Variants in SRGN observed in about 807,000 individuals in gnomAD.
The protein encoded by SRGN is hematopoetic proteoglycan core peptide.
SRGN carries 2 observed loss-of-function variants against 9.5 expected under a neutral mutation model. That is an observed-to-expected ratio of 0.21 (90% confidence interval 0.09 to 0.66). SRGN has a LOEUF of 0.66. Ranked by LOEUF, SRGN falls within the 30% of genes least tolerant of loss-of-function variation. SRGN has a pLI of 0.83. For missense variants in SRGN, 170 were observed against 192.4 expected, an observed-to-expected ratio of 0.88 and a Z score of 0.69; for synonymous variants, 59 against 72.3, an observed-to-expected ratio of 0.82 and a Z score of 0.93.
chr10:69,090,471 G>A (rs982155423), intron 1 of SRGN, among the ~76,000 whole-genome samples: 1 of 152,150 alleles, frequency 6.6e-6, no homozygotes, highest in African/African-American at 2.4e-5. Flanking sequence ...CAAGATCAAG[G>A]TGCTGGCAGG....
chr10:69,094,446 G>A (rs1174954262), intron 1 of SRGN, among the ~76,000 whole-genome samples: 1 of 151,776 alleles, frequency 6.6e-6, no homozygotes, highest in Non-Finnish European at 1.5e-5. Flanking sequence ...AACAAAATGA[G>A]AAAAAAAATC....
intron 1 of SRGN, among the ~76,000 whole-genome samples, chr10:69,094,494 C>T (rs1451652648): frequency 1.3e-5 from 2 of 151,986 alleles, no homozygotes; most frequent in African/African-American, 4.8e-5. Flanking sequence ...TGTGTATTTC[C>T]TTCCATTTTT....
intron 1 of SRGN, among the ~76,000 whole-genome samples, chr10:69,090,287 C>A (rs911295727): frequency 6.6e-6 from 1 of 152,208 alleles, no homozygotes; most frequent in Non-Finnish European, 1.5e-5. Flanking sequence ...GTTTATCTAG[C>A]CCGTTGGTTT....
At chr10:69,101,514 A>G (rs1840290637) in intron 2 of SRGN, among the ~76,000 whole-genome samples, 1 of 151,918 alleles carries the variant, frequency 6.6e-6, no homozygotes, top group African/African-American at 2.4e-5. Context: ...TCTTCTTCCC[A>G]TCAGTATAGG....
intron 1 of SRGN, among the ~76,000 whole-genome samples, chr10:69,091,710 T>C (rs987254128): frequency 6.0e-5 from 9 of 150,820 alleles, no homozygotes; most frequent in Non-Finnish European, 1.2e-4. Context: ...GAAACCCCCA[T>C]CTCTACTAAA....
chr10:69,089,417 G>A (rs781512348), intron 1 of SRGN, among the ~76,000 whole-genome samples: 1 of 152,156 alleles, frequency 6.6e-6, no homozygotes, highest in Admixed American at 6.6e-5. Flanking sequence ...TGACAAGATC[G>A]AGAGTAATGA....
intron 1 of SRGN, 84 bp from the exon 2 acceptor site, chr10:69,097,000 A>C: frequency 6.8e-7 from 1 of 1,460,286 alleles, no homozygotes; most frequent in Non-Finnish European, 9.2e-7. Flanking sequence ...TCTCGAAAAA[A>C]AAATAAAAAT....
chr10:69,091,246 A>T lies in SRGN; in HGVS notation c.79+3010A>T, dbSNP rs956833073. On this transcript the variant is annotated intron_variant, in intron 1 of 2. Transcript: ENST00000242465. ...AATTAACGGCTGAACTGGTCGTCTG[A>T]TTTCAAGGCCAGAATTAACTTTCTA... Among the ~76,000 whole-genome samples, 23 of 152,198 alleles carry T rather than the reference A, an allele frequency of 1.5e-4. No individual in the cohort carries two copies. In the East Asian group the frequency reaches 4.4e-3, roughly 29 times the overall value.
chr10:69,097,170 A>G lies in SRGN; in HGVS notation c.166A>G (p.Met56Val), dbSNP rs201406999. The change falls in exon 2 of 3, where the codon ATG (methionine) becomes GTG (valine). Residue 56 changes from methionine (M) to valine (V), a missense_variant. Met to Val is a conservative substitution (Grantham distance 21). Transcript: ENST00000242465. The stretch of plus-strand genomic sequence containing the variant: ...AAACTGCCTTGAAGAAAAAGGACCA[A>G]TGTTCGAACTACTTCCAGGTGAATC... Reference protein sequence around the residue: ...SANCLEEKGPMFELLPGESNK... With the variant: ...SANCLEEKGPVFELLPGESNK... The G allele has an allele frequency of 6.2e-7, 1 of 1,613,996 alleles. No individual in the cohort carries two copies. Among genetic ancestry groups the G allele is most frequent in the East Asian group, 2.2e-5 (1 of 44,886 alleles).
At chr10:69,095,574 C>T (rs1278720173) in intron 1 of SRGN, among the ~76,000 whole-genome samples, 1 of 151,930 alleles carries the variant, frequency 6.6e-6, no homozygotes, top group Non-Finnish European at 1.5e-5. Flanking sequence ...TTTGTCTTTG[C>T]TAAACTGAGG....
chr10:69,103,501 C>A (rs1361034650), intron 2 of SRGN, among the ~76,000 whole-genome samples: 1 of 152,076 alleles, frequency 6.6e-6, no homozygotes, highest in Non-Finnish European at 1.5e-5. Flanking sequence ...CGAGATGGCA[C>A]CACTGCACTC....
chr10:69,088,715 CT>C (rs111988454), intron 1 of SRGN, among the ~76,000 whole-genome samples: 76,188 of 143,816 alleles, frequency 0.53, 20,656 homozygotes, highest in Middle Eastern at 0.7. Context: ...ATTTTCTTTT[CT>C]TTTTTTTTTT....
At position 69,104,127 on chromosome 10, in the gene SRGN, A is replaced by T. The variant is rs769059290; in HGVS notation, c.*7A>T. Reference sequence around the variant, plus strand: ...AGAGGATTTTATGTTATAAAAGAGGATTTTCCCACCTTGACACCAGGCAAT... The same window carrying T: ...AGAGGATTTTATGTTATAAAAGAGGTTTTTCCCACCTTGACACCAGGCAAT... On this transcript the variant is annotated 3_prime_UTR_variant, in exon 3 of 3. Coordinates refer to ENST00000242465, the MANE Select transcript of SRGN (RefSeq NM_002727.4). 1.3e-5 allele frequency: 21 copies of T among 1,610,310 alleles called. 1 individual carries two copies. The highest frequency in any genetic ancestry group is 1.7e-5 in the Non-Finnish European group (20 of 1,176,870).
intron 2 of SRGN, among the ~76,000 whole-genome samples, chr10:69,103,502 C>T (rs1251819704): frequency 6.6e-6 from 1 of 152,078 alleles, no homozygotes; most frequent in East Asian, 1.9e-4. Context: ...GAGATGGCAC[C>T]ACTGCACTCC....
intron 1 of SRGN, among the ~76,000 whole-genome samples, chr10:69,088,514 C>A (rs1249234128): frequency 1.3e-5 from 2 of 151,916 alleles, no homozygotes; most frequent in African/African-American, 4.8e-5. Flanking sequence ...TTTAAAAGCT[C>A]AAAAAAGGAA....
upstream of SRGN, among the ~76,000 whole-genome samples, chr10:69,087,872 T>C (rs1839969846): frequency 1.3e-5 from 2 of 152,096 alleles, no homozygotes; most frequent in Admixed American, 6.6e-5. Context: ...AAAAAAAATG[T>C]CTTGCAGGCA....
chr10:69,101,427 C>T (rs918297545), intron 2 of SRGN, among the ~76,000 whole-genome samples: 1 of 152,230 alleles, frequency 6.6e-6, no homozygotes, highest in Non-Finnish European at 1.5e-5. Flanking sequence ...AAGGCCACCT[C>T]TCTTTGTGGC....
chr10:69,095,026 G>A (rs541657355), intron 1 of SRGN, among the ~76,000 whole-genome samples: 1 of 151,440 alleles, frequency 6.6e-6, no homozygotes, highest in Non-Finnish European at 1.5e-5. Context: ...AAGTACTTTC[G>A]GCCGGGTGTG....
At chr10:69,090,407 T>C (rs371288493) in intron 1 of SRGN, among the ~76,000 whole-genome samples, 1 of 152,228 alleles carries the variant, frequency 6.6e-6, no homozygotes, top group South Asian at 2.1e-4. Flanking sequence ...TACCACGGAC[T>C]GAGTGGCTTA....
Sources: allele counts gnomAD v4.1 joint callset (sites outside exome capture counted in the v4.1 genomes callset), GRCh38; gene constraint gnomAD v4.1.1; transcripts MANE v1.5; gene names NCBI Gene and HGNC (gene_info 2026-07-23, HGNC 2026-07-21).